The following SLC38A6 variants were observed in gnomAD, a reference collection of about 807,000 sequenced individuals.
SLC38A6 encodes the protein N system amino acid transporter NAT-1.
A neutral mutation model predicts 65.0 loss-of-function variants in SLC38A6; 73 were observed. The observed-to-expected ratio is 1.12, with a 90% confidence interval of 0.93 to 1.37. The LOEUF (loss-of-function observed/expected upper bound fraction) is 1.37, where lower values mean the gene tolerates loss of function less well. SLC38A6 is among the 40% of genes most tolerant of loss of function. The pLI is 0.00. For missense variants in SLC38A6, 561 were observed against 531.1 expected (o/e 1.06, Z -0.55); for synonymous variants, 183 against 178.8 (o/e 1.02, Z -0.19).
intron 10 of SLC38A6, among the ~76,000 whole-genome samples, chr14:61,044,136 CA>C (rs1206410869): frequency 6.6e-6 from 1 of 152,192 alleles, no homozygotes; most frequent in African/African-American, 2.4e-5. Context: ...TAGAAGAGCT[CA>C]AAGTCTTCCC....
chr14:61,069,855 A>T (rs1021562121), intron 15 of SLC38A6, among the ~76,000 whole-genome samples: 1 of 152,136 alleles, frequency 6.6e-6, no homozygotes, highest in African/African-American at 2.4e-5. Context: ...TCCTCCTTGG[A>T]AGCAACCACT....
rs181093232 is a variant in SLC38A6 at position 61,015,916 on chromosome 14, A to C, written c.323A>C (p.Tyr108Ser). Residue 108 changes from tyrosine (Y) to serine (S), a missense_variant, in exon 4 of 16, where the codon TAT (tyrosine) becomes TCT (serine). By Grantham distance (144) the Tyr-to-Ser change is moderately radical. Coordinates refer to ENST00000267488, the MANE Select transcript of SLC38A6 (RefSeq NM_153811.3). ...SMCIQTAVTS[Y>S]EDLGLFAFGL... Reference sequence around the variant, plus strand: ...TTTCTCTTAACAGCTGTAACATCTTATGAAGATCTTGGACTCTTTGCATTT... The same window carrying C: ...TTTCTCTTAACAGCTGTAACATCTTCTGAAGATCTTGGACTCTTTGCATTT... The C allele has an allele frequency of 6.2e-7, 1 of 1,608,284 alleles. No individual in the cohort carries two copies. Among genetic ancestry groups the C allele is most frequent in the South Asian group, 1.1e-5 (1 of 89,490 alleles).
chr14:61,044,637 A>G (rs777763917), intron 10 of SLC38A6, among the ~76,000 whole-genome samples: 1 of 152,202 alleles, frequency 6.6e-6, no homozygotes, highest in Non-Finnish European at 1.5e-5. Flanking sequence ...GAAAGGAGAA[A>G]ATAGATCACC....
chr14:61,010,808 AG>A (rs1337754463), intron 3 of SLC38A6, among the ~76,000 whole-genome samples: 1 of 152,216 alleles, frequency 6.6e-6, no homozygotes, highest in Non-Finnish European at 1.5e-5. Context: ...GTTTGAAGTC[AG>A]GTAGCGTGAT....
chr14:61,015,086 C>T (rs569842992), intron 3 of SLC38A6, among the ~76,000 whole-genome samples: 70 of 152,318 alleles, frequency 4.6e-4, no homozygotes, highest in African/African-American at 1.5e-3. Flanking sequence ...GCAATGGCAG[C>T]GCCCATCCCC....
chr14:61,012,961 T>C (rs1409134115), intron 3 of SLC38A6, among the ~76,000 whole-genome samples: 1 of 152,192 alleles, frequency 6.6e-6, no homozygotes, highest in African/African-American at 2.4e-5. Flanking sequence ...GTCTCGTGGA[T>C]CTGTCTAATG....
intron 5 of SLC38A6, among the ~76,000 whole-genome samples, chr14:61,024,690 C>G (rs1248350970): frequency 1.3e-5 from 2 of 152,204 alleles, no homozygotes; most frequent in Admixed American, 6.5e-5. Context: ...TTCATTTGAA[C>G]TCCTGAAGTA....
At chr14:61,011,982 G>A (rs1297576802) in intron 3 of SLC38A6, among the ~76,000 whole-genome samples, 1 of 152,168 alleles carries the variant, frequency 6.6e-6, no homozygotes, top group Non-Finnish European at 1.5e-5. Flanking sequence ...TTGTACCTCT[G>A]GTAAAATTCG....
chr14:61,038,713 A>G (rs2041573576), intron 8 of SLC38A6, among the ~76,000 whole-genome samples: 1 of 152,196 alleles, frequency 6.6e-6, no homozygotes, highest in African/African-American at 2.4e-5. Context: ...ACAAAGTGGA[A>G]GTGACTCTGA....
chr14:61,061,854 T>A (rs1041665023), intron 15 of SLC38A6, among the ~76,000 whole-genome samples: 1 of 152,050 alleles, frequency 6.6e-6, no homozygotes, highest in Non-Finnish European at 1.5e-5. Flanking sequence ...TTGTTTTGTT[T>A]TGAGACAGAG....
chr14:61,049,030 G>A lies in SLC38A6; in HGVS notation c.926-1482G>A, dbSNP rs140462559. 4.4e-3 allele frequency among the ~76,000 whole-genome samples: 671 copies of A among 152,192 alleles called. 4 individuals carry two copies. Among genetic ancestry groups the A allele is most frequent in the Middle Eastern group, 0.034 (10 of 294 alleles). On this transcript the variant is annotated intron_variant, in intron 12 of 15. Transcript: ENST00000267488. Reference sequence around the variant, plus strand: ...TGTAAAGTATGTTTTTGATACTTTGGACAATTCATTTCTCTCCTGTTTCCA... The same window carrying A: ...TGTAAAGTATGTTTTTGATACTTTGAACAATTCATTTCTCTCCTGTTTCCA...
intron 15 of SLC38A6, among the ~76,000 whole-genome samples, chr14:61,075,884 T>A (rs896939314): frequency 6.6e-6 from 1 of 151,714 alleles, no homozygotes; most frequent in African/African-American, 2.4e-5. Flanking sequence ...AAACGGAGTT[T>A]CACTTTTTTT....
At chr14:60,989,021 T>C (rs544180638) in intron 3 of SLC38A6, among the ~76,000 whole-genome samples, 2 of 152,304 alleles carry the variant, frequency 1.3e-5, no homozygotes, top group East Asian at 1.9e-4. Context: ...ATCTAGGAGA[T>C]TGCTTTTTTA....
chr14:61,045,028 T>C (rs1410014011), intron 10 of SLC38A6, among the ~76,000 whole-genome samples: 1 of 152,148 alleles, frequency 6.6e-6, no homozygotes, highest in Admixed American at 6.5e-5. Flanking sequence ...CATTTAAATA[T>C]TATTTATCTT....
At chr14:61,072,627 G>C (rs1258198661) in intron 15 of SLC38A6, among the ~76,000 whole-genome samples, 1 of 152,138 alleles carries the variant, frequency 6.6e-6, no homozygotes, top group African/African-American at 2.4e-5. Context: ...GAGAACATTT[G>C]ATGTTTGTCT....
chr14:61,054,179 G>C (rs956859404), downstream of SLC38A6, among the ~76,000 whole-genome samples: 1 of 152,056 alleles, frequency 6.6e-6, no homozygotes, highest in African/African-American at 2.4e-5. Flanking sequence ...AGATCAGATG[G>C]TCATAGGTGT....
At chr14:61,003,437 A>G (rs1013714576) in intron 3 of SLC38A6, among the ~76,000 whole-genome samples, 3 of 152,150 alleles carry the variant, frequency 2.0e-5, no homozygotes, top group Non-Finnish European at 4.4e-5. Context: ...AGTTGAAACA[A>G]TACCCCCTGA....
At chr14:61,048,056 AAGTT>A (rs2042271380) in intron 12 of SLC38A6, 1 of 420,374 alleles carries the variant, frequency 2.4e-6, no homozygotes, top group Non-Finnish European at 4.7e-6. Flanking sequence ...CAAAAGTAGT[AAGTT>A]CTTCTCCAAA....
chr14:61,071,561 A>T (rs1401116139), intron 15 of SLC38A6, among the ~76,000 whole-genome samples: 1 of 151,956 alleles, frequency 6.6e-6, no homozygotes, highest in Non-Finnish European at 1.5e-5. Context: ...GTGTGGCCAT[A>T]GTCCGAGCTA....
Sources: gnomAD v4.1 joint callset for allele counts (sites outside exome capture counted in the v4.1 genomes callset) on GRCh38, gnomAD v4.1.1 for gene constraint, MANE v1.5 for transcripts, NCBI Gene and HGNC (gene_info 2026-07-23, HGNC 2026-07-21) for gene names.